The following WWOX variants were observed in gnomAD, a reference collection of about 807,000 sequenced individuals.
WWOX encodes WW domain containing oxidoreductase, also known as WW domain-containing oxidoreductase.
In WWOX, 69 loss-of-function variants were observed where a neutral mutation model predicts 46.2. The observed-to-expected ratio is 1.49, with a 90% CI of 1.23 to 1.82. The LOEUF (loss-of-function observed/expected upper bound fraction) is 1.82, where lower values mean the gene tolerates loss of function less well. WWOX is among the 40% of genes most tolerant of loss of function. The probability of loss-of-function intolerance (pLI) is 0.00; values close to 1 mark genes in which losing one functional copy is unlikely to be tolerated. For synonymous variants in WWOX, 359 were observed against 202.6 expected, an observed-to-expected ratio of 1.77 and a Z score of -6.56; for missense variants, 919 against 542.6, an observed-to-expected ratio of 1.69 and a Z score of -6.89.
intron 8 of WWOX, among the ~76,000 whole-genome samples, chr16:78,969,650 G>A (rs764874508): frequency 6.6e-6 from 1 of 152,080 alleles, no homozygotes; most frequent in Non-Finnish European, 1.5e-5. Context: ...TTATGAACAA[G>A]GGAGTTTCCT....
chr16:78,809,292 G>A (rs1396146443), intron 8 of WWOX, among the ~76,000 whole-genome samples: 4 of 122,958 alleles, frequency 3.3e-5, no homozygotes, highest in African/African-American at 1.2e-4. Flanking sequence ...AGGAACCAAA[G>A]CAAAGCCAAT....
intron 8 of WWOX, among the ~76,000 whole-genome samples, chr16:78,765,668 G>A (rs1006269584): frequency 6.6e-6 from 1 of 152,200 alleles, no homozygotes; most frequent in Admixed American, 6.5e-5. Context: ...AACAGAGTGA[G>A]ACTCTGTCTA....
chr16:78,170,502 C>G (rs2035121700), intron 5 of WWOX, among the ~76,000 whole-genome samples: 1 of 152,208 alleles, frequency 6.6e-6, no homozygotes, highest in Non-Finnish European at 1.5e-5. Flanking sequence ...TTCTTAACCT[C>G]TCCAACTGGC....
chr16:78,554,799 G>A (rs559083990), intron 8 of WWOX, among the ~76,000 whole-genome samples: 1 of 152,288 alleles, frequency 6.6e-6, no homozygotes, highest in East Asian at 1.9e-4. Context: ...TCTGTCAGAA[G>A]CCCACTGCCC....
At chr16:78,101,741 G>A (rs947729210) in intron 1 of WWOX, among the ~76,000 whole-genome samples, 1 of 152,164 alleles carries the variant, frequency 6.6e-6, no homozygotes, top group Non-Finnish European at 1.5e-5. Context: ...TGGTGGCAAG[G>A]TAGAGGAAAA....
intron 8 of WWOX, among the ~76,000 whole-genome samples, chr16:78,770,959 G>A (rs13335618): frequency 0.094 from 14,378 of 152,288 alleles, 769 homozygotes; most frequent in South Asian, 0.14. Context: ...GTACAAGGAA[G>A]ACCTCTCTAA....
At chr16:78,851,422 A>T (rs1186511853) in intron 8 of WWOX, among the ~76,000 whole-genome samples, 1 of 152,254 alleles carries the variant, frequency 6.6e-6, no homozygotes, top group African/African-American at 2.4e-5. Context: ...GCCAAGTGAC[A>T]TTGTAAGTTA....
chr16:78,614,972 C>T (rs2045986085), intron 8 of WWOX, among the ~76,000 whole-genome samples: 1 of 152,098 alleles, frequency 6.6e-6, no homozygotes, highest in South Asian at 2.1e-4. Context: ...CATGTTTAAT[C>T]ACGTTTTGCT....
At chr16:78,452,638 G>C (rs2083720725) in intron 8 of WWOX, among the ~76,000 whole-genome samples, 1 of 151,542 alleles carries the variant, frequency 6.6e-6, no homozygotes, top group Non-Finnish European at 1.5e-5. Flanking sequence ...ACCACACCTG[G>C]CTAATTATTA....
intron 8 of WWOX, among the ~76,000 whole-genome samples, chr16:79,152,784 C>G (rs1249201271): frequency 6.6e-6 from 1 of 152,166 alleles, no homozygotes; most frequent in Non-Finnish European, 1.5e-5. Context: ...GTGCAGCTAA[C>G]ATCTAGCACC....
chr16:79,110,959 C>G (rs2278051), intron 8 of WWOX: 1 of 152,130 alleles, frequency 6.6e-6, no homozygotes, highest in Non-Finnish European at 1.5e-5. Context: ...TCTTCATGGT[C>G]AAGAAATGGC....
At chr16:78,319,899 T>G (rs1408273759) in intron 5 of WWOX, among the ~76,000 whole-genome samples, 1 of 152,134 alleles carries the variant, frequency 6.6e-6, no homozygotes, top group Non-Finnish European at 1.5e-5. Context: ...CTTTTTCCAG[T>G]TTTCCTGGCG....
At chr16:79,166,962 G>A (rs1161140711) in intron 8 of WWOX, among the ~76,000 whole-genome samples, 2 of 151,442 alleles carry the variant, frequency 1.3e-5, no homozygotes, top group Non-Finnish European at 2.9e-5. Context: ...TTTTTTTTGA[G>A]ACAGAGCCTT....
At chr16:78,888,579 A>G (rs2044518042) in intron 8 of WWOX, among the ~76,000 whole-genome samples, 1 of 152,086 alleles carries the variant, frequency 6.6e-6, no homozygotes, top group Non-Finnish European at 1.5e-5. Flanking sequence ...AGTTTTGAGG[A>G]TGGAGACAGC....
chr16:78,385,571 G>A (rs1276008085), intron 5 of WWOX, among the ~76,000 whole-genome samples: 1 of 152,126 alleles, frequency 6.6e-6, no homozygotes, highest in African/African-American at 2.4e-5. Context: ...TTAGGACTTG[G>A]ATTAGAGCCC....
chr16:78,970,644 C>T (rs374753365), intron 8 of WWOX, among the ~76,000 whole-genome samples: 4 of 152,202 alleles, frequency 2.6e-5, no homozygotes, highest in East Asian at 1.9e-4. Flanking sequence ...TAGTGTAATG[C>T]CAGAATCATG....
At chr16:78,233,703 AGTTTTAGTAGGGATGGGGTTTCACC>A (rs1051568697) in intron 5 of WWOX, among the ~76,000 whole-genome samples, 1 of 151,668 alleles carries the variant, frequency 6.6e-6, no homozygotes, top group African/African-American at 2.4e-5. Context: ...ATTTTTTTGT[AGTTTTAGTAGGGATGGGGTTTCACC>A]GTGTTAGCCA....
chr16:78,721,640 C>A (rs1055523090), intron 8 of WWOX, among the ~76,000 whole-genome samples: 1 of 152,232 alleles, frequency 6.6e-6, no homozygotes, highest in African/African-American at 2.4e-5. Flanking sequence ...TTTGATTCCT[C>A]CGTCACTGGC....
chr16:78,671,299 C>A lies in WWOX; in HGVS notation c.1056+238547C>A, dbSNP rs140800444. ...AATGAGCCGGGTGTGGTGGGGCATG[C>A]CTGTAGTCCCAGCTACTTGGGAGGC... On this transcript the variant is annotated intron_variant, in intron 8 of 8. Coordinates refer to ENST00000566780, the MANE Select transcript of WWOX (RefSeq NM_016373.4). 1.2e-4 allele frequency among the ~76,000 whole-genome samples: 19 copies of A among 152,214 alleles called. No homozygotes were observed. In the East Asian group the frequency reaches 3.7e-3, roughly 29 times the overall value.
Sources: allele counts gnomAD v4.1 joint callset (sites outside exome capture counted in the v4.1 genomes callset), GRCh38; gene constraint gnomAD v4.1.1; transcripts MANE v1.5; gene names NCBI Gene and HGNC (gene_info 2026-07-23, HGNC 2026-07-21).